NME8: variants seen among roughly 807,000 people sequenced by gnomAD.
NME8 encodes the protein protein NME8.
NME8 carries 72 observed loss-of-function variants against 82.3 expected under a neutral mutation model. That is an observed-to-expected ratio of 0.87 (90% CI 0.72 to 1.06). The LOEUF is 1.06. Among genes scored for constraint, NME8 ranks in the 50% least tolerant of loss-of-function variants. NME8 has a pLI of 0.00. For missense variants in NME8, 712 were observed against 685.4 expected (o/e 1.04, Z -0.43); for synonymous variants, 267 against 228.5 (o/e 1.17, Z -1.52).
intron 16 of NME8, 87 bp downstream of exon 16, chr7:37,894,697 A>G: frequency 8.1e-7 from 1 of 1,241,696 alleles, no homozygotes. Context: ...ATTAATTAAA[A>G]CATTTCATCT....
Position 37,850,708 on chromosome 7 carries a change from C to G in NME8, c.171C>G (p.Asn57Lys), listed in dbSNP as rs180763598. ...TCAGAAAATTGAAAAATGAACTGAA[C>G]GAAGACGAAATTCTGCATTTTGCTG... The part of the protein sequence containing the change: ...PLFRKLKNEL[N>K]EDEILHFAVA... The change falls in exon 5 of 18, where the codon AAC becomes AAG. Residue 57 changes from asparagine to lysine, a missense_variant. Coordinates refer to ENST00000199447, the MANE Select transcript of NME8 (RefSeq NM_016616.5). The G allele has an allele frequency of 4.3e-6, 7 of 1,613,260 alleles. No individual in the cohort carries two copies. The highest frequency in any genetic ancestry group is 1.3e-5 in the African/African-American group (1 of 75,018).
chr7:37,884,017 A>C (rs1785004171), intron 12 of NME8, among the ~76,000 whole-genome samples: 1 of 152,008 alleles, frequency 6.6e-6, no homozygotes, highest in Non-Finnish European at 1.5e-5. Flanking sequence ...ACATGCATAC[A>C]CCCAAGAAAA....
intron 13 of NME8, 92 bp downstream of exon 13, chr7:37,884,539 C>T: frequency 1.8e-6 from 2 of 1,091,596 alleles, no homozygotes; most frequent in South Asian, 2.6e-5. Context: ...CTGCCAAACT[C>T]CTCAAGTCTG....
At chr7:37,885,067 T>A (rs1785020326) in intron 13 of NME8, 78 bp from the exon 14 acceptor site, 1 of 823,180 alleles carries the variant, frequency 1.2e-6, no homozygotes, top group Non-Finnish European at 2.1e-6. Context: ...TTTAACAATA[T>A]GCATTTGTAT....
chr7:37,894,310 G>T (rs1357255351), intron 15 of NME8, among the ~76,000 whole-genome samples, 156 bp from the exon 16 acceptor site: 2 of 152,096 alleles, frequency 1.3e-5, no homozygotes, highest in African/African-American at 4.8e-5. Context: ...ATGTCAATTT[G>T]GTGCTTTGGA....
chr7:37,863,304 AATAT>A (rs1160680630), intron 7 of NME8, 88 bp from the exon 8 acceptor site: 4 of 762,648 alleles, frequency 5.2e-6, no homozygotes, highest in South Asian at 1.4e-5. Flanking sequence ...TTAGACTATA[AATAT>A]TTACTAGATA....
In NME8 at chr7:37,867,916, G is replaced by A; in HGVS notation, c.818+18G>A. On this transcript the variant is annotated intron_variant, in intron 11 of 17. Coordinates refer to ENST00000199447, the MANE Select transcript of NME8 (RefSeq NM_016616.5). ...CAAGACAGGTATAGCTCAAGACCAG[G>A]AATTGTGTTACTTGCAATGTGTTAT... 2 of 1,609,638 alleles carry A rather than the reference G, an allele frequency of 1.2e-6. No homozygotes were observed. Among genetic ancestry groups the A allele is most frequent in the Non-Finnish European group, 8.5e-7 (1 of 1,176,692 alleles).
Position 37,896,955 on chromosome 7 carries a change from G to A in NME8, c.1630G>A (p.Ala544Thr), listed in dbSNP as rs140494494. The change falls in exon 17 of 18, where the codon GCA (alanine) becomes ACA (threonine). Residue 544 changes from alanine (A) to threonine (T), a missense_variant. Ala to Thr is a moderately conservative substitution (Grantham distance 58, BLOSUM62 0). Transcript: ENST00000199447. Reference sequence around the variant, plus strand: ...GATGGGCCCAACAGACCCAGAAGAAGCAAAATTACTTTCCCCTGACTCCAT... The same window carrying A: ...GATGGGCCCAACAGACCCAGAAGAAACAAAATTACTTTCCCCTGACTCCAT... ...RLMGPTDPEE[A>T]KLLSPDSIRA... is the part of the protein sequence containing the mutation. 648 of 1,613,828 alleles carry A rather than the reference G, an allele frequency of 4.0e-4. 4 individuals carry two copies. The Middle Eastern group carries it at 5.9e-3, about 15-fold the overall frequency.
At position 37,863,454 on chromosome 7, in the gene NME8, A is replaced by C; in HGVS notation, c.446A>C (p.Glu149Ala). 1 of 1,591,186 alleles carries C rather than the reference A, an allele frequency of 6.3e-7. No individual in the cohort carries two copies. Among genetic ancestry groups the C allele is most frequent in the Non-Finnish European group, 8.6e-7 (1 of 1,159,182 alleles). Reference protein sequence around the residue: ...DSEVSEESPCESVQELYSIAI... With the variant: ...DSEVSEESPCASVQELYSIAI... Reference sequence around the variant, plus strand: ...GAAGTTAGTGAAGAATCACCATGTGAAAGTGTTCGTAAGTAAATTTACTTC... The same window carrying C: ...GAAGTTAGTGAAGAATCACCATGTGCAAGTGTTCGTAAGTAAATTTACTTC... Residue 149 changes from glutamate (E) to alanine (A), a missense_variant, in exon 8 of 18, where the codon GAA (glutamate) becomes GCA (alanine). Coordinates refer to ENST00000199447, the MANE Select transcript of NME8 (RefSeq NM_016616.5).
intron 15 of NME8, among the ~76,000 whole-genome samples, chr7:37,893,708 A>G (rs1785171209): frequency 1.3e-5 from 2 of 152,132 alleles, no homozygotes; most frequent in Non-Finnish European, 2.9e-5. Flanking sequence ...ATTACTCTAT[A>G]ATAATGATCA....
chr7:37,864,427 T>C lies in NME8; in HGVS notation c.528+6T>C. On this transcript the variant is annotated splice_donor_region_variant and intron_variant, in intron 9 of 17. Coordinates refer to ENST00000199447, the MANE Select transcript of NME8 (RefSeq NM_016616.5). ...TTCTAGAAATTAAAAGAAAAGTAAG[T>C]AATATTTTCCAACTATGATTAAATT... 1 of 1,565,170 alleles carries C rather than the reference T, an allele frequency of 6.4e-7. No individual in the cohort carries two copies. Among genetic ancestry groups the C allele is most frequent in the Non-Finnish European group, 8.8e-7 (1 of 1,142,574 alleles).
rs1784862090 is a variant in NME8, at chr7:37,876,917, G to C, written c.904G>C (p.Ala302Pro). ...AGCTAATGTTGCTAAGTTCATGGAT[G>C]CTTTCTTCCCCGATTTTAAAAAAAT... ...DAANVAKFMD[A>P]FFPDFKKMKS... Residue 302 changes from alanine to proline, a missense_variant, in exon 12 of 18, where the codon GCT (alanine) becomes CCT (proline). By Grantham distance (27) the Ala-to-Pro change is conservative. Transcript: ENST00000199447. 6.8e-6 allele frequency: 11 copies of C among 1,612,692 alleles called. No homozygotes were observed. The highest frequency in any genetic ancestry group is 9.3e-6 in the Non-Finnish European group (11 of 1,179,038).
chr7:37,867,721 T>C lies in NME8; in HGVS notation c.641T>C (p.Val214Ala), dbSNP rs1784707824. 4 of 1,613,150 alleles carry C rather than the reference T, an allele frequency of 2.5e-6. No homozygotes were observed. The highest frequency in any genetic ancestry group is 3.4e-6 in the Non-Finnish European group (4 of 1,179,222). Reference protein sequence around the residue: ...IADQCDFEEFVSFMTSGLSYI... With the variant: ...IADQCDFEEFASFMTSGLSYI... Reference sequence around the variant, plus strand: ...TTGTAGTGTGACTTCGAAGAGTTTGTCTCTTTTATGACAAGTGGCTTAAGC... The same window carrying C: ...TTGTAGTGTGACTTCGAAGAGTTTGCCTCTTTTATGACAAGTGGCTTAAGC... Residue 214 changes from valine (V) to alanine (A), a missense_variant, in exon 11 of 18, where the codon GTC becomes GCC. Coordinates refer to ENST00000199447, the MANE Select transcript of NME8 (RefSeq NM_016616.5).
chr7:37,891,602 G>A (rs181073402), intron 15 of NME8, among the ~76,000 whole-genome samples: 1 of 151,772 alleles, frequency 6.6e-6, no homozygotes, highest in Non-Finnish European at 1.5e-5. Context: ...TATTTGTTCT[G>A]TAAGCCATTT....
chr7:37,852,934 C>A (rs1455008702), intron 5 of NME8, among the ~76,000 whole-genome samples: 1 of 152,088 alleles, frequency 6.6e-6, no homozygotes, highest in East Asian at 1.9e-4. Flanking sequence ...AGCAGCTGTA[C>A]CATTTTGCAT....
chr7:37,852,169 A>T (rs957209179), intron 5 of NME8, among the ~76,000 whole-genome samples: 4 of 151,550 alleles, frequency 2.6e-5, no homozygotes, highest in Non-Finnish European at 5.9e-5. Context: ...TTAATTTTTT[A>T]AAAAATGTCT....
intron 5 of NME8, among the ~76,000 whole-genome samples, chr7:37,851,388 G>A (rs1472540608): frequency 4.6e-5 from 7 of 152,086 alleles, no homozygotes; most frequent in Non-Finnish European, 1.0e-4. Flanking sequence ...TTGAGTTATT[G>A]TAAAACTTTT....
chr7:37,878,834 A>G (rs1157776745), intron 12 of NME8, among the ~76,000 whole-genome samples: 1 of 152,194 alleles, frequency 6.6e-6, no homozygotes, highest in Non-Finnish European at 1.5e-5. Flanking sequence ...TTACTGTGAT[A>G]CACTTTTACA....
rs1785295114 is a variant in NME8 at position 37,900,359 on chromosome 7, A to T, written c.*131A>T. ...AGGAAAACTCAAGATACAAAAATGA[A>T]TGGCTATGCATAATAACAATAAAAA... On this transcript the variant is annotated 3_prime_UTR_variant, in exon 18 of 18. Coordinates refer to ENST00000199447, the MANE Select transcript of NME8 (RefSeq NM_016616.5). 6.6e-6 allele frequency: 1 copy of T among 152,242 alleles called. No homozygotes were observed. The highest frequency in any genetic ancestry group is 6.5e-5 in the Admixed American group (1 of 15,286). 9.4% of individuals were successfully genotyped at this position (152,242 alleles called of 1,614,324 possible).
Sources: gnomAD v4.1 joint callset for allele counts (sites outside exome capture counted in the v4.1 genomes callset) on GRCh38, gnomAD v4.1.1 for gene constraint, MANE v1.5 for transcripts, NCBI Gene and HGNC (gene_info 2026-07-23, HGNC 2026-07-21) for gene names.